ESR1: variants seen among roughly 807,000 people sequenced by gnomAD.
The protein encoded by ESR1 is estrogen receptor.
ESR1 carries 12 observed loss-of-function variants against 52.7 expected under a neutral mutation model. The ratio of observed to expected loss-of-function variants is 0.23; its 90% CI spans 0.15 to 0.37. The LOEUF is 0.37. Ranked by LOEUF, ESR1 falls within the 10% of genes least tolerant of loss-of-function variation. The pLI, the probability that ESR1 is intolerant of heterozygous loss-of-function variation, is 1.00. For missense variants in ESR1, 584 were observed against 779.7 expected (o/e 0.75, Z 2.99); for synonymous variants, 305 against 316.8 (o/e 0.96, Z 0.39).
chr6:151,771,304 C>G (rs1785495127), intron 2 of ESR1, among the ~76,000 whole-genome samples: 1 of 152,150 alleles, frequency 6.6e-6, no homozygotes, highest in African/African-American at 2.4e-5. Context: ...TTTATCCTCT[C>G]TTAGTAGAAA....
chr6:151,994,462 C>T (rs916506221), intron 4 of ESR1, among the ~76,000 whole-genome samples: 2 of 152,174 alleles, frequency 1.3e-5, no homozygotes, highest in East Asian at 1.9e-4. Flanking sequence ...TGATACAATG[C>T]TAGACACATA....
intron 6 of ESR1, among the ~76,000 whole-genome samples, chr6:152,081,539 G>A (rs557685325): frequency 1.9e-4 from 29 of 151,538 alleles, no homozygotes; most frequent in African/African-American, 6.3e-4. Flanking sequence ...ATCTAAAATC[G>A]ACACCCTAAC....
In ESR1 at chr6:151,947,430, AT is replaced by A. The variant is rs369345497; in HGVS notation, c.1096+2925del. On this transcript the variant is annotated intron_variant, in intron 4 of 7. Coordinates refer to ENST00000206249, the MANE Select transcript of ESR1 (RefSeq NM_000125.4). ...TATGATACAAAAACCCTCATGAAAC[AT>A]TTGGATAATCCTCAGAATACCTATC... is the stretch of plus-strand genomic sequence containing the variant. 9.1e-4 allele frequency among the ~76,000 whole-genome samples: 139 copies of A among 152,320 alleles called. 1 individual carries two copies. The highest frequency in any genetic ancestry group is 3.3e-3 in the African/African-American group (136 of 41,568).
intron 2 of ESR1, among the ~76,000 whole-genome samples, chr6:151,775,859 T>C (rs573748672): frequency 6.6e-6 from 1 of 152,088 alleles, no homozygotes; most frequent in South Asian, 2.1e-4. Flanking sequence ...CCTGCTATGC[T>C]AGGTCTCAGA....
At chr6:151,811,911 G>A (rs894979436) in intron 1 of ESR1, among the ~76,000 whole-genome samples, 1 of 152,068 alleles carries the variant, frequency 6.6e-6, no homozygotes, top group Admixed American at 6.5e-5. Flanking sequence ...GAAAGCTCCT[G>A]AAGGATAATT....
At chr6:151,757,673 C>G (rs950993720) in intron 2 of ESR1, among the ~76,000 whole-genome samples, 3 of 152,138 alleles carry the variant, frequency 2.0e-5, no homozygotes, top group African/African-American at 7.2e-5. Flanking sequence ...TCGCTTGGAC[C>G]CCTTTGCTTG....
rs75767777 is a variant in ESR1, at chr6:151,695,409, C to T, written c.-202+4745C>T. Among the ~76,000 whole-genome samples, 436 of 152,216 alleles carry T rather than the reference C, an allele frequency of 2.9e-3. 5 individuals are homozygous for T. The highest frequency in any genetic ancestry group is 0.018 in the East Asian group (95 of 5,172). ...CCAACAAGTTGACAATCCTAGAGAGCTTAGTGTGAGTAGACTTGCTGAGGT... is the reference window on the plus strand; with the variant it reads ...CCAACAAGTTGACAATCCTAGAGAGTTTAGTGTGAGTAGACTTGCTGAGGT... On this transcript the variant is annotated intron_variant, in intron 1 of 2. Coordinates refer to the ESR1 transcript ENST00000404742.
At chr6:151,732,242 C>CCCAT (rs1782302455) in intron 2 of ESR1, among the ~76,000 whole-genome samples, 1 of 152,122 alleles carries the variant, frequency 6.6e-6, no homozygotes, top group South Asian at 2.1e-4. Context: ...GGGCATGAGT[C>CCCAT]TCATCAGGCG....
exon 7 of ESR1, chr6:152,125,483 T>C: frequency 8.2e-7 from 1 of 1,221,284 alleles, no homozygotes; most frequent in African/African-American, 1.5e-5. Context: ...GTTTTCTCAT[T>C]TGCAATGATT....
At chr6:151,881,914 A>C (rs1792994007) in intron 3 of ESR1, among the ~76,000 whole-genome samples, 1 of 151,438 alleles carries the variant, frequency 6.6e-6, no homozygotes, top group Admixed American at 6.6e-5. Flanking sequence ...ATAAATAAAT[A>C]AATAAATAAA....
chr6:151,960,592 G>A (rs2037540757), intron 4 of ESR1, among the ~76,000 whole-genome samples: 1 of 152,198 alleles, frequency 6.6e-6, no homozygotes, highest in East Asian at 1.9e-4. Flanking sequence ...AGTGAGGCAG[G>A]AGTGAGAGAA....
intron 3 of ESR1, among the ~76,000 whole-genome samples, chr6:151,891,758 A>G (rs925274874): frequency 1.3e-5 from 2 of 152,192 alleles, no homozygotes; most frequent in Non-Finnish European, 2.9e-5. Context: ...TTAATATCCC[A>G]TAAACCAAAA....
In ESR1 at chr6:151,882,483, C is replaced by T. The variant is rs559246487; in HGVS notation, c.760+1712C>T. ...TTTAAGGAATTCATCTTTCTTTGTA[C>T]TGTTGGAGAATTAGTCAGGCTTAAT... On this transcript the variant is annotated intron_variant, in intron 3 of 7. Coordinates refer to ENST00000206249, the MANE Select transcript of ESR1 (RefSeq NM_000125.4). Among the ~76,000 whole-genome samples, 313 of 152,254 alleles carry T rather than the reference C, an allele frequency of 2.1e-3. 1 individual carries two copies. Among genetic ancestry groups the T allele is most frequent in the African/African-American group, 7.4e-3 (307 of 41,546 alleles).
intron 3 of ESR1, among the ~76,000 whole-genome samples, chr6:151,933,229 G>A (rs1420620672): frequency 2.0e-5 from 3 of 149,504 alleles, no homozygotes; most frequent in Admixed American, 6.7e-5. Flanking sequence ...GTGAATGGGA[G>A]TTCACTCATG....
Position 152,061,051 on chromosome 6 carries a change from A to T in ESR1, c.1296A>T (p.Ser432=), listed in dbSNP as rs758331872. The change falls in exon 6 of 8, where the codon TCA becomes TCT. Residue 432 remains serine (S), a synonymous_variant. Transcript: ENST00000206249. The surrounding 1 kb of genome is among the most constrained non-coding windows in gnomAD (Gnocchi z 4.3). ...TCTTCGACATGCTGCTGGCTACATC[A>T]TCTCGGTTCCGCATGATGAATCTGC... ...VEIFDMLLAT[S]SRFRMMNLQG... The T allele has an allele frequency of 6.2e-7, 1 of 1,613,706 alleles. No individual in the cohort carries two copies. Among genetic ancestry groups the T allele is most frequent in the South Asian group, 1.1e-5 (1 of 91,036 alleles).
At chr6:151,759,289 A>G (rs1320881300) in intron 2 of ESR1, among the ~76,000 whole-genome samples, 1 of 150,744 alleles carries the variant, frequency 6.6e-6, no homozygotes, top group African/African-American at 2.4e-5. Context: ...AAAAAAAAAA[A>G]GAAAACCAAA....
chr6:151,666,314 G>A (rs571361727), intron 1 of ESR1, among the ~76,000 whole-genome samples: 29 of 152,274 alleles, frequency 1.9e-4, no homozygotes, highest in African/African-American at 4.6e-4. Flanking sequence ...AGAGACACAC[G>A]CACTTCCTTT....
At chr6:152,081,883 G>C (rs1342282711) in intron 6 of ESR1, among the ~76,000 whole-genome samples, 2 of 152,128 alleles carry the variant, frequency 1.3e-5, no homozygotes, top group Non-Finnish European at 2.9e-5. Context: ...AGAAGAAATG[G>C]ATAAATTCCT....
chr6:152,051,407 C>G (rs6557192), intron 5 of ESR1, among the ~76,000 whole-genome samples: 1 of 152,024 alleles, frequency 6.6e-6, no homozygotes, highest in African/African-American at 2.4e-5. Flanking sequence ...AAAAAACTGA[C>G]TAGGATCTCA....
Sources: gnomAD v4.1 joint callset for allele counts (sites outside exome capture counted in the v4.1 genomes callset) on GRCh38, gnomAD v4.1.1 for gene constraint, Gnocchi (gnomAD v3.1) non-coding constraint, MANE v1.5 for transcripts, NCBI Gene and HGNC (gene_info 2026-07-23, HGNC 2026-07-21) for gene names.